SPON1: variants seen among roughly 807,000 people sequenced by gnomAD.
SPON1 encodes the protein spondin-1.
A neutral mutation model predicts 111.7 loss-of-function variants in SPON1; 52 were observed. The observed-to-expected ratio is 0.47, with a 90% CI of 0.37 to 0.59. SPON1 has a LOEUF of 0.59. SPON1 is among the 20% of genes least tolerant of loss of function. SPON1 has a pLI of 0.00. For missense variants in SPON1, 957 were observed against 1,068.5 expected, an observed-to-expected ratio of 0.90 and a Z score of 1.46; for synonymous variants, 410 against 395.8, an observed-to-expected ratio of 1.04 and a Z score of -0.43.
At chr11:14,073,406 A>G (rs1351949265) in intron 3 of SPON1, among the ~76,000 whole-genome samples, 1 of 152,316 alleles carries the variant, frequency 6.6e-6, no homozygotes, top group East Asian at 1.9e-4. Flanking sequence ...ATTTTGGAGC[A>G]TTTCAGATTT....
intron 3 of SPON1, among the ~76,000 whole-genome samples, chr11:14,066,357 G>C (rs1380489200): frequency 6.6e-6 from 1 of 152,092 alleles, no homozygotes; most frequent in East Asian, 1.9e-4. Flanking sequence ...ATTTCAACCA[G>C]AGGAAGAAAA....
chr11:14,171,746 T>C (rs1179221192), intron 6 of SPON1, among the ~76,000 whole-genome samples: 2 of 152,176 alleles, frequency 1.3e-5, no homozygotes, highest in African/African-American at 2.4e-5. Context: ...CATTTCGTTA[T>C]GTACCCAGTA....
At chr11:14,174,745 GA>G (rs1326338514) in intron 6 of SPON1, among the ~76,000 whole-genome samples, 2 of 152,092 alleles carry the variant, frequency 1.3e-5, no homozygotes, top group Non-Finnish European at 2.9e-5. Context: ...CAAGTTCCAA[GA>G]AGAGAAAAAC....
intron 7 of SPON1, among the ~76,000 whole-genome samples, chr11:14,251,293 C>T (rs907617394): frequency 4.6e-5 from 7 of 152,172 alleles, no homozygotes; most frequent in African/African-American, 1.7e-4. Flanking sequence ...GCCATGTGAC[C>T]TCATAGTCAG....
chr11:14,033,928 G>T (rs1484851331), intron 2 of SPON1, among the ~76,000 whole-genome samples: 1 of 152,130 alleles, frequency 6.6e-6, no homozygotes, highest in Non-Finnish European at 1.5e-5. Flanking sequence ...CTCCCAAAGT[G>T]ACTTTAAACT....
At chr11:14,185,736 T>C (rs1485019589) in intron 6 of SPON1, among the ~76,000 whole-genome samples, 5 of 152,254 alleles carry the variant, frequency 3.3e-5, no homozygotes, top group African/African-American at 9.6e-5. Flanking sequence ...ACTCCTTTTG[T>C]CTTTGTGATG....
At chr11:14,247,859 G>C (rs1564940609) in intron 7 of SPON1, among the ~76,000 whole-genome samples, 1 of 152,172 alleles carries the variant, frequency 6.6e-6, no homozygotes, top group Non-Finnish European at 1.5e-5. Flanking sequence ...TGGTTGGCTA[G>C]ATAGCTCTGG....
intron 2 of SPON1, among the ~76,000 whole-genome samples, chr11:13,993,461 A>C (rs1330565522): frequency 6.6e-6 from 1 of 152,022 alleles, no homozygotes; most frequent in Non-Finnish European, 1.5e-5. Context: ...TATTACCAAA[A>C]ACTGCTCCCT....
At chr11:13,983,958 T>G (rs1422403089) in intron 2 of SPON1, among the ~76,000 whole-genome samples, 1 of 152,228 alleles carries the variant, frequency 6.6e-6, no homozygotes, top group Non-Finnish European at 1.5e-5. Flanking sequence ...TTGTAATTTT[T>G]AATCCTGTGA....
Position 14,267,456 on chromosome 11 carries a change from C to T in SPON1, c.*1769C>T, listed in dbSNP as rs1351265439. 2 of 151,818 alleles carry T rather than the reference C, an allele frequency of 1.3e-5. No homozygotes were observed. Among genetic ancestry groups the T allele is most frequent in the Non-Finnish European group, 2.9e-5 (2 of 67,938 alleles). The allele number at this position is 151,818 out of a possible 1,614,324, so 9.4% of individuals were successfully genotyped here. A position where few individuals can be genotyped will look rare whatever the true frequency, so the allele number is the denominator to read the frequency against. On this transcript the variant is annotated 3_prime_UTR_variant, in exon 16 of 16. Transcript: ENST00000576479. ...TTTTTCTACTTGGGGGGAAAAAAGTCCTCATGTAGAAGCACCCACTTTTGC... is the reference window on the plus strand; with the variant it reads ...TTTTTCTACTTGGGGGGAAAAAAGTTCTCATGTAGAAGCACCCACTTTTGC...
chr11:14,147,751 C>CT lies in SPON1; in HGVS notation c.825+12196dup, dbSNP rs66888680. Reference sequence around the variant, plus strand: ...TTTTAAGTAGTGGAAAATACTAAGACTTTTTTTTTTTTTGAGAGGAGTCTC... The same window carrying CT: ...TTTTAAGTAGTGGAAAATACTAAGACTTTTTTTTTTTTTTGAGAGGAGTCTC... On this transcript the variant is annotated intron_variant, in intron 6 of 15. Coordinates refer to ENST00000576479, the MANE Select transcript of SPON1 (RefSeq NM_006108.4). Among the ~76,000 whole-genome samples, 1,063 of 145,712 alleles carry CT rather than the reference C, an allele frequency of 7.3e-3. 13 individuals carry two copies. Among genetic ancestry groups the CT allele is most frequent in the African/African-American group, 0.021 (847 of 39,672 alleles).
At chr11:13,981,464 C>G (rs568175385) in intron 1 of SPON1, among the ~76,000 whole-genome samples, 13 of 152,138 alleles carry the variant, frequency 8.5e-5, no homozygotes, top group Non-Finnish European at 1.6e-4. Context: ...GTAGCTGGGA[C>G]TACAGGTGCC....
intron 2 of SPON1, among the ~76,000 whole-genome samples, chr11:14,001,890 G>C (rs782053771): frequency 9.9e-5 from 15 of 152,008 alleles, no homozygotes; most frequent in Non-Finnish European, 1.5e-4. Context: ...ATAATAAAAG[G>C]GCTATTATGG....
At chr11:14,241,029 T>C (rs1228372773) in intron 6 of SPON1, among the ~76,000 whole-genome samples, 13 of 152,072 alleles carry the variant, frequency 8.5e-5, no homozygotes, top group East Asian at 1.9e-4. Flanking sequence ...CAGAACAAGA[T>C]ATTCAGTATG....
chr11:14,200,648 T>C (rs1472164697), intron 6 of SPON1, among the ~76,000 whole-genome samples: 1 of 151,872 alleles, frequency 6.6e-6, no homozygotes, highest in Admixed American at 6.6e-5. Flanking sequence ...ACCCCGTCTC[T>C]GCTAAAAATA....
At chr11:14,079,356 G>C (rs973138458) in intron 4 of SPON1, among the ~76,000 whole-genome samples, 4 of 152,158 alleles carry the variant, frequency 2.6e-5, no homozygotes, top group Admixed American at 1.3e-4. Flanking sequence ...AAGAAGTGAC[G>C]TGATTATATA....
chr11:14,254,789 T>C, intron 8 of SPON1, 60 bp downstream of exon 8: 2 of 1,528,988 alleles, frequency 1.3e-6, no homozygotes, highest in Non-Finnish European at 1.8e-6. Context: ...CTGAGTGTCC[T>C]GGACACAGAG....
chr11:13,985,192 C>G (rs925354082), intron 2 of SPON1, among the ~76,000 whole-genome samples: 14 of 152,326 alleles, frequency 9.2e-5, no homozygotes, highest in African/African-American at 3.4e-4. Flanking sequence ...GACCAGCCCT[C>G]TAACAGGATG....
chr11:14,256,777 C>CA, intron 10 of SPON1, 85 bp downstream of exon 10: 1 of 1,018,148 alleles, frequency 9.8e-7, no homozygotes, highest in Non-Finnish European at 1.5e-6. Flanking sequence ...TTTTAAGAAC[C>CA]ATAAACCATG....
Sources: allele counts gnomAD v4.1 joint callset (sites outside exome capture counted in the v4.1 genomes callset), GRCh38; gene constraint gnomAD v4.1.1; transcripts MANE v1.5; gene names NCBI Gene and HGNC (gene_info 2026-07-23, HGNC 2026-07-21).